Variants in NPFFR2 observed in about 807,000 individuals in gnomAD.
NPFFR2 encodes neuropeptide FF receptor 2.
A neutral mutation model predicts 13.1 loss-of-function variants in NPFFR2; 15 were observed. That is an observed-to-expected ratio of 1.15 (90% confidence interval 0.77 to 1.76). The LOEUF (loss-of-function observed/expected upper bound fraction) is 1.76, where lower values mean the gene tolerates loss of function less well. NPFFR2 is among the 40% of genes most tolerant of loss of function. The pLI is 0.00. For synonymous variants in NPFFR2, 190 were observed against 175.7 expected, an observed-to-expected ratio of 1.08 and a Z score of -0.65; for missense variants, 572 against 503.5, an observed-to-expected ratio of 1.14 and a Z score of -1.30.
At chr4:72,132,769 A>G (rs1722289997) in intron 2 of NPFFR2, among the ~76,000 whole-genome samples, 1 of 139,348 alleles carries the variant, frequency 7.2e-6, no homozygotes. Context: ...GCTTTTTTTC[A>G]TATGTTTGTT....
intron 1 of NPFFR2, among the ~76,000 whole-genome samples, chr4:72,098,735 G>A (rs1241078371): frequency 6.6e-6 from 1 of 152,140 alleles, no homozygotes; most frequent in East Asian, 1.9e-4. Context: ...GGCTTCTTCT[G>A]TCATGTATCT....
At chr4:72,088,820 T>C (rs756225747) in intron 1 of NPFFR2, among the ~76,000 whole-genome samples, 5 of 151,922 alleles carry the variant, frequency 3.3e-5, no homozygotes, top group African/African-American at 2.4e-5. Context: ...CCTTGACATG[T>C]GGGGAAAACA....
At chr4:72,100,997 A>G (rs78911375) in intron 1 of NPFFR2, among the ~76,000 whole-genome samples, 2,983 of 152,094 alleles carry the variant, frequency 0.02, 108 homozygotes, top group African/African-American at 0.068. Context: ...TTTTTTGTCA[A>G]TGATAGTGTC....
At chr4:72,124,277 C>G (rs1560418287) in intron 1 of NPFFR2, among the ~76,000 whole-genome samples, 1 of 150,138 alleles carries the variant, frequency 6.7e-6, no homozygotes, top group Non-Finnish European at 1.5e-5. Flanking sequence ...ACAAGCAATG[C>G]CCATGGATAG....
At chr4:72,037,380 G>C (rs561268677) in intron 1 of NPFFR2, among the ~76,000 whole-genome samples, 2 of 147,088 alleles carry the variant, frequency 1.4e-5, no homozygotes, top group Admixed American at 7.0e-5. Flanking sequence ...CTCCAGCTTC[G>C]GCAACAGAGC....
intron 1 of NPFFR2, among the ~76,000 whole-genome samples, chr4:72,116,853 G>C (rs1015850869): frequency 6.6e-6 from 1 of 151,940 alleles, no homozygotes; most frequent in Non-Finnish European, 1.5e-5. Context: ...CTTCTTTTCA[G>C]TTTAGTTGTA....
At chr4:72,039,727 C>T (rs1719154193) in intron 1 of NPFFR2, among the ~76,000 whole-genome samples, 1 of 152,062 alleles carries the variant, frequency 6.6e-6, no homozygotes. Flanking sequence ...AACAAGGCTA[C>T]AATAAAAGTA....
chr4:72,133,305 G>A (rs892167672), intron 2 of NPFFR2, among the ~76,000 whole-genome samples: 2 of 151,986 alleles, frequency 1.3e-5, no homozygotes, highest in East Asian at 1.9e-4. Flanking sequence ...TTTGTTGAAG[G>A]TTAGATATTT....
intron 1 of NPFFR2, among the ~76,000 whole-genome samples, chr4:72,071,478 A>G (rs1183874425): frequency 6.6e-6 from 1 of 152,182 alleles, no homozygotes; most frequent in Non-Finnish European, 1.5e-5. Context: ...TAACTAGACA[A>G]TAATTGCACT....
chr4:72,040,036 A>G (rs1489969191), intron 1 of NPFFR2, among the ~76,000 whole-genome samples: 1 of 152,068 alleles, frequency 6.6e-6, no homozygotes, highest in African/African-American at 2.4e-5. Flanking sequence ...TTTTACTGAG[A>G]TATTAGTCTT....
chr4:72,039,087 CTCGCTCTG>C (rs1357772298), intron 1 of NPFFR2: 1 of 144,202 alleles, frequency 6.9e-6, no homozygotes, highest in East Asian at 2.1e-4. Flanking sequence ...GAGACGGAGT[CTCGCTCTG>C]TCGCCCAGGC....
rs140672035 is a variant in NPFFR2 at position 72,088,391 on chromosome 4, G to T, written c.-7-40194G>T. Among the ~76,000 whole-genome samples, 21 of 151,850 alleles carry T rather than the reference G, an allele frequency of 1.4e-4. No individual in the cohort carries two copies. The East Asian group carries it at 2.7e-3, about 20-fold the overall frequency. On this transcript the variant is annotated intron_variant, in intron 1 of 3. Transcript: ENST00000308744. The stretch of plus-strand genomic sequence containing the variant: ...AAGGGAAGATGAATTTTAAGGAGCA[G>T]ATTTTAAAAAAATTATTCAAAGTAA...
At chr4:72,080,855 C>T (rs904142418) in intron 1 of NPFFR2, among the ~76,000 whole-genome samples, 2 of 146,906 alleles carry the variant, frequency 1.4e-5, no homozygotes, top group African/African-American at 5.5e-5. Flanking sequence ...CCTCACTTTC[C>T]TCTACTCCAC....
rs532227636 is a variant in NPFFR2 at position 72,091,044 on chromosome 4, G to A, written c.-7-37541G>A. Reference sequence around the variant, plus strand: ...AACGTTAATCTATTTTAATCATAACGGGATGCTGGATTTTGTCAAATGTTC... The same window carrying A: ...AACGTTAATCTATTTTAATCATAACAGGATGCTGGATTTTGTCAAATGTTC... On this transcript the variant is annotated intron_variant, in intron 1 of 3. Coordinates refer to ENST00000308744, the MANE Select transcript of NPFFR2 (RefSeq NM_004885.3). 1.2e-3 allele frequency among the ~76,000 whole-genome samples: 186 copies of A among 151,994 alleles called. 2 individuals carry two copies. In the South Asian group the frequency reaches 0.015, roughly 12 times the overall value.
At chr4:72,104,276 T>C (rs1560412406) in intron 1 of NPFFR2, among the ~76,000 whole-genome samples, 1 of 152,102 alleles carries the variant, frequency 6.6e-6, no homozygotes, top group Non-Finnish European at 1.5e-5. Flanking sequence ...TTGATGATGA[T>C]GTCGATTATC....
At chr4:72,073,466 A>G (rs574756278) in intron 1 of NPFFR2, among the ~76,000 whole-genome samples, 3 of 152,222 alleles carry the variant, frequency 2.0e-5, no homozygotes, top group East Asian at 3.9e-4. Context: ...ATAATAAGAC[A>G]TAAAGATCTC....
chr4:72,039,387 C>G (rs927913141), intron 1 of NPFFR2: 4 of 984,960 alleles, frequency 4.1e-6, no homozygotes, highest in Non-Finnish European at 4.8e-6. Flanking sequence ...CTCTGCCCAC[C>G]TCTTCTCTTC....
chr4:72,110,379 A>G (rs1721532415), intron 1 of NPFFR2, among the ~76,000 whole-genome samples: 1 of 151,936 alleles, frequency 6.6e-6, no homozygotes, highest in Non-Finnish European at 1.5e-5. Context: ...AGTCTCAAAT[A>G]TGTCTTTATT....
At chr4:72,117,266 AC>A (rs1487393629) in intron 1 of NPFFR2, among the ~76,000 whole-genome samples, 1 of 152,100 alleles carries the variant, frequency 6.6e-6, no homozygotes, top group East Asian at 1.9e-4. Flanking sequence ...ATTATCCCTT[AC>A]AGTAGTCACT....
Sources: gnomAD v4.1 joint callset for allele counts (sites outside exome capture counted in the v4.1 genomes callset) on GRCh38, gnomAD v4.1.1 for gene constraint, MANE v1.5 for transcripts, NCBI Gene and HGNC (gene_info 2026-07-23, HGNC 2026-07-21) for gene names.